Variants in RBMS3 observed in about 807,000 individuals in gnomAD.
The protein encoded by RBMS3 is RNA binding motif single stranded interacting protein 3.
RBMS3 carries 27 observed loss-of-function variants against 66.8 expected under a neutral mutation model. The observed-to-expected ratio is 0.40, with a 90% confidence interval of 0.30 to 0.56. The LOEUF is 0.56. Ranked by LOEUF, RBMS3 falls within the 20% of genes least tolerant of loss-of-function variation. The pLI is 0.40. For missense variants in RBMS3, 513 were observed against 549.5 expected (o/e 0.93, Z 0.66); for synonymous variants, 188 against 183.0 (o/e 1.03, Z -0.22).
intron 12 of RBMS3, among the ~76,000 whole-genome samples, chr3:29,968,578 C>T (rs1000750351): frequency 2.6e-5 from 4 of 152,192 alleles, no homozygotes; most frequent in African/African-American, 9.7e-5. Context: ...TGACTCAGCT[C>T]CAGGTAAAGT....
chr3:29,896,139 A>C (rs553938452), intron 8 of RBMS3, among the ~76,000 whole-genome samples: 1 of 151,622 alleles, frequency 6.6e-6, no homozygotes, highest in South Asian at 2.1e-4. Flanking sequence ...TAATTTAAGT[A>C]CATTTAAGAC....
At chr3:29,437,466 A>G (rs1182285889) in intron 2 of RBMS3, among the ~76,000 whole-genome samples, 3 of 152,256 alleles carry the variant, frequency 2.0e-5, no homozygotes, top group Non-Finnish European at 4.4e-5. Flanking sequence ...TTGATAAAGA[A>G]TATTAAGTGA....
At chr3:29,307,290 C>T (rs1158892712) in intron 1 of RBMS3, among the ~76,000 whole-genome samples, 1 of 151,950 alleles carries the variant, frequency 6.6e-6, no homozygotes, top group Non-Finnish European at 1.5e-5. Context: ...GAAGATCCAA[C>T]TTTCTCCAAT....
intron 3 of RBMS3, among the ~76,000 whole-genome samples, chr3:29,582,194 A>ATAGATAGG (rs1437751484): frequency 6.9e-6 from 1 of 144,512 alleles, no homozygotes; most frequent in Non-Finnish European, 1.5e-5. Flanking sequence ...AGATAGATAG[A>ATAGATAGG]TACACACACA....
chr3:29,593,683 G>T (rs754820080), intron 4 of RBMS3, among the ~76,000 whole-genome samples: 4 of 147,238 alleles, frequency 2.7e-5, no homozygotes, highest in Admixed American at 2.0e-4. Context: ...TTCCCCCATG[G>T]GGACAAGGGC....
At chr3:29,793,442 G>C (rs948620981) in intron 6 of RBMS3, among the ~76,000 whole-genome samples, 1 of 151,838 alleles carries the variant, frequency 6.6e-6, no homozygotes, top group Non-Finnish European at 1.5e-5. Context: ...TGAAATCAGT[G>C]AATAATAAAA....
At chr3:29,959,340 G>A (rs1055350347) in intron 12 of RBMS3, among the ~76,000 whole-genome samples, 3 of 152,188 alleles carry the variant, frequency 2.0e-5, no homozygotes, top group Non-Finnish European at 2.9e-5. Context: ...TGTGATCCCA[G>A]TCTAGCAGCA....
At chr3:29,664,426 T>G (rs1188539323) in intron 4 of RBMS3, among the ~76,000 whole-genome samples, 1 of 152,004 alleles carries the variant, frequency 6.6e-6, no homozygotes, top group Non-Finnish European at 1.5e-5. Context: ...AGGCAAAGGT[T>G]GCAGTGAGCC....
chr3:29,411,448 G>A (rs990584947), intron 1 of RBMS3, among the ~76,000 whole-genome samples: 1 of 152,060 alleles, frequency 6.6e-6, no homozygotes, highest in Admixed American at 6.6e-5. Context: ...GATCATTTTG[G>A]CACTAAAATG....
At chr3:29,580,542 T>C (rs563928061) in intron 3 of RBMS3, among the ~76,000 whole-genome samples, 1 of 152,040 alleles carries the variant, frequency 6.6e-6, no homozygotes, top group South Asian at 2.1e-4. Context: ...AAACATAAAC[T>C]CCACTGCATT....
chr3:29,349,718 G>C (rs1202948689), intron 1 of RBMS3, among the ~76,000 whole-genome samples: 1 of 152,122 alleles, frequency 6.6e-6, no homozygotes, highest in African/African-American at 2.4e-5. Flanking sequence ...CAACTCAGCT[G>C]TCTGCTGTCT....
intron 4 of RBMS3, among the ~76,000 whole-genome samples, chr3:29,680,719 T>G (rs1391705451): frequency 2.0e-5 from 3 of 152,198 alleles, no homozygotes; most frequent in Non-Finnish European, 4.4e-5. Flanking sequence ...TTTTATTATA[T>G]GCCCGTCACT....
chr3:29,692,601 T>G (rs77856074), intron 4 of RBMS3, among the ~76,000 whole-genome samples: 4,103 of 152,270 alleles, frequency 0.027, 79 homozygotes, highest in Admixed American at 0.063. Context: ...AAACTGACCA[T>G]GTGTTTTCCT....
intron 1 of RBMS3, among the ~76,000 whole-genome samples, chr3:29,383,742 T>A (rs1463403663): frequency 6.6e-6 from 1 of 152,222 alleles, no homozygotes; most frequent in African/African-American, 2.4e-5. Flanking sequence ...CGATCTGGAC[T>A]CTGACTATCC....
At chr3:29,995,436 A>G (rs1699161819) in intron 14 of RBMS3, among the ~76,000 whole-genome samples, 1 of 152,056 alleles carries the variant, frequency 6.6e-6, no homozygotes, top group Non-Finnish European at 1.5e-5. Flanking sequence ...ACTCCTCGAG[A>G]AGAGCAACTC....
chr3:29,884,288 ATT>A, intron 8 of RBMS3, 80 bp downstream of exon 8: 1 of 1,383,146 alleles, frequency 7.2e-7, no homozygotes, highest in African/African-American at 1.4e-5. Flanking sequence ...AAATGTTAAA[ATT>A]TGTTTTGCTT....
chr3:29,804,147 C>A (rs1319955242), intron 6 of RBMS3, among the ~76,000 whole-genome samples: 1 of 151,836 alleles, frequency 6.6e-6, no homozygotes, highest in African/African-American at 2.4e-5. Context: ...CTGCTGCTCT[C>A]AAAAAAATGT....
chr3:29,904,598 C>T (rs950515446), intron 10 of RBMS3, among the ~76,000 whole-genome samples: 10 of 151,896 alleles, frequency 6.6e-5, no homozygotes, highest in African/African-American at 2.4e-4. Context: ...AGTGAGAAAA[C>T]GTCTGTCAGA....
intron 3 of RBMS3, among the ~76,000 whole-genome samples, chr3:29,492,432 T>C (rs1208127343): frequency 6.6e-6 from 1 of 152,150 alleles, no homozygotes; most frequent in Non-Finnish European, 1.5e-5. Context: ...TTCAAGGAAC[T>C]GATAAGAACG....
Sources: gnomAD v4.1 joint callset for allele counts (sites outside exome capture counted in the v4.1 genomes callset) on GRCh38, gnomAD v4.1.1 for gene constraint, MANE v1.5 for transcripts, NCBI Gene and HGNC (gene_info 2026-07-23, HGNC 2026-07-21) for gene names.